SAP130: variants seen among roughly 807,000 people sequenced by gnomAD.
SAP130 encodes the protein histone deacetylase complex subunit SAP130.
A neutral mutation model predicts 103.2 loss-of-function variants in SAP130; 16 were observed. The observed-to-expected ratio is 0.16, with a 90% CI of 0.10 to 0.24. SAP130 has a LOEUF of 0.24. Ranked by LOEUF, SAP130 falls within the 10% of genes least tolerant of loss-of-function variation. The pLI, the probability that SAP130 is intolerant of heterozygous loss-of-function variation, is 1.00. For synonymous variants in SAP130, 477 were observed against 497.0 expected, an observed-to-expected ratio of 0.96 and a Z score of 0.53; for missense variants, 990 against 1,359.7, an observed-to-expected ratio of 0.73 and a Z score of 4.28.
chr2:128,011,068 C>A (rs1283800916), intron 6 of SAP130, among the ~76,000 whole-genome samples: 1 of 151,968 alleles, frequency 6.6e-6, no homozygotes, highest in Non-Finnish European at 1.5e-5. Context: ...ACCCTTCAAT[C>A]TAGAGTTGCC....
chr2:127,986,157 A>G lies in SAP130; in HGVS notation c.1958+628T>C, dbSNP rs1682372060. On this transcript the variant is annotated intron_variant, in intron 14 of 20. Coordinates refer to ENST00000643581, the MANE Select transcript of SAP130 (RefSeq NM_001330301.2). This position sits in a 1 kb window ranked among gnomAD's most constrained non-coding sequence, Gnocchi z 4.7. Reference sequence around the variant, plus strand: ...ACAGAAAGCTCTCTGTCCTTGCCATAAGGCAGGGGTCTAATTGAGCTGGTT... The same window carrying G: ...ACAGAAAGCTCTCTGTCCTTGCCATGAGGCAGGGGTCTAATTGAGCTGGTT... 6.6e-6 allele frequency among the ~76,000 whole-genome samples: 1 copy of G among 152,226 alleles called. No homozygotes were observed. The highest frequency in any genetic ancestry group is 1.5e-5 in the Non-Finnish European group (1 of 68,030).
Position 127,941,884 on chromosome 2 carries a change from C to T in SAP130, c.*122G>A. ...GATGTCATGGGTTCCTCTGCTTTCA[C>T]ACGGGAACTAAGGAACACTTCCTTT... On this transcript the variant is annotated 3_prime_UTR_variant, in exon 21 of 21. Transcript: ENST00000643581. 2 of 905,656 alleles carry T rather than the reference C, an allele frequency of 2.2e-6. No homozygotes were observed. Among genetic ancestry groups the T allele is most frequent in the Non-Finnish European group, 3.4e-6 (2 of 582,716 alleles). 56.1% of individuals were successfully genotyped at this position (905,656 alleles called of 1,614,324 possible). A position where few individuals can be genotyped will look rare whatever the true frequency, so the allele number is the denominator to read the frequency against.
intron 15 of SAP130, among the ~76,000 whole-genome samples, chr2:127,974,534 C>T: frequency 6.6e-6 from 1 of 152,140 alleles, no homozygotes; most frequent in Non-Finnish European, 1.5e-5. Flanking sequence ...TAATTTCTGG[C>T]CGGGCGCGGT....
At chr2:128,016,602 T>C in intron 3 of SAP130, 55 bp from the exon 4 acceptor site, 1 of 1,547,252 alleles carries the variant, frequency 6.5e-7, no homozygotes, top group Non-Finnish European at 8.7e-7. Flanking sequence ...GGTGATGCAT[T>C]TCAATCCACA....
chr2:128,026,799 C>T (rs1200488056), intron 1 of SAP130, among the ~76,000 whole-genome samples: 13 of 152,258 alleles, frequency 8.5e-5, no homozygotes, highest in Non-Finnish European at 1.5e-4. Flanking sequence ...CAATGCTTTT[C>T]GGCAAAGGCC....
chr2:128,007,029 C>T (rs1684029605), intron 7 of SAP130, among the ~76,000 whole-genome samples: 1 of 152,232 alleles, frequency 6.6e-6, no homozygotes, highest in South Asian at 2.1e-4. Context: ...GCTAAAAATG[C>T]ATTCAACAAA....
intron 7 of SAP130, among the ~76,000 whole-genome samples, chr2:128,009,863 T>C (rs1035817643): frequency 6.6e-6 from 1 of 152,176 alleles, no homozygotes; most frequent in Non-Finnish European, 1.5e-5. Flanking sequence ...TACTCTTCTC[T>C]CCGATAACCA....
At chr2:128,020,716 G>C (rs1468387065) in intron 2 of SAP130, among the ~76,000 whole-genome samples, 3 of 152,068 alleles carry the variant, frequency 2.0e-5, no homozygotes, top group Non-Finnish European at 4.4e-5. Flanking sequence ...AGGTGAAATG[G>C]GGCCGGGCAC....
At position 128,027,019 on chromosome 2, in the gene SAP130, C is replaced by T. The variant is rs1685550642; in HGVS notation, c.-6-721G>A. The T allele has an allele frequency of 3.1e-6, 4 of 1,304,968 alleles. No homozygotes were observed. The East Asian group carries it at 8.5e-5, about 28-fold the overall frequency. The allele number at this position is 1,304,968 out of a possible 1,614,324, so 80.8% of individuals were successfully genotyped here. A position where few individuals can be genotyped will look rare whatever the true frequency, so the allele number is the denominator to read the frequency against. On this transcript the variant is annotated intron_variant, in intron 1 of 20. Transcript: ENST00000643581. ...TCCAGACACCTCGGAGTGTGAGACC[C>T]CCGTCTCCGGGGTGGGGGTGCGGAC...
At chr2:127,980,676 G>A (rs1681801337) in intron 14 of SAP130, among the ~76,000 whole-genome samples, 1 of 152,144 alleles carries the variant, frequency 6.6e-6, no homozygotes, top group South Asian at 2.1e-4. Context: ...AAGGCCAGGT[G>A]CTCACGCATG....
At chr2:128,010,930 G>C (rs1322979419) in intron 6 of SAP130, among the ~76,000 whole-genome samples, 1 of 127,632 alleles carries the variant, frequency 7.8e-6, no homozygotes, top group East Asian at 2.4e-4. Flanking sequence ...AATCCCTTAA[G>C]ATACCACTGA....
chr2:128,000,028 AGAAG>A lies in SAP130; in HGVS notation c.1108+24_1108+27del, dbSNP rs761336642. ...CACTCTTGCCTCCTTTTTCCCCAGT[AGAAG>A]GAAGAGGAGGGTCGTGGACTTACCA... is the stretch of plus-strand genomic sequence containing the variant. On this transcript the variant is annotated intron_variant, in intron 9 of 20. Coordinates refer to ENST00000643581, the MANE Select transcript of SAP130 (RefSeq NM_001330301.2). 19 of 1,601,640 alleles carry A rather than the reference AGAAG, an allele frequency of 1.2e-5. No homozygotes were observed. In the African/African-American group the frequency reaches 2.3e-4, roughly 19 times the overall value.
In SAP130 at chr2:127,999,742, G is replaced by T; in HGVS notation, c.1212C>A (p.Val404=). ...GTCCGAAGGCAGCAGGCCACTTACC[G>T]ACTGGGATGTTTGAGGTGGTCACAG... is the stretch of plus-strand genomic sequence containing the variant. ...ATAVTTSNIP[V]AKVVPQQITH... is the part of the protein sequence containing the mutation. Residue 404 remains valine, a splice_region_variant and synonymous_variant, in exon 10 of 21, where the codon GTC becomes GTA. Transcript: ENST00000643581. 6.7e-7 allele frequency: 1 copy of T among 1,502,606 alleles called. No homozygotes were observed. The highest frequency in any genetic ancestry group is 1.4e-5 in the South Asian group (1 of 70,172). The allele number at this position is 1,502,606 out of a possible 1,614,324, so 93.1% of individuals were successfully genotyped here. A position where few individuals can be genotyped will look rare whatever the true frequency, so the allele number is the denominator to read the frequency against.
At chr2:127,970,085 G>T (rs577541273) in intron 15 of SAP130, among the ~76,000 whole-genome samples, 1 of 151,066 alleles carries the variant, frequency 6.6e-6, no homozygotes, top group South Asian at 2.1e-4. Context: ...AAAATTAGCT[G>T]GGCATGGTAG....
At chr2:127,946,807 C>A (rs1253968309) in intron 18 of SAP130, among the ~76,000 whole-genome samples, 1 of 151,082 alleles carries the variant, frequency 6.6e-6, no homozygotes, top group Non-Finnish European at 1.5e-5. Context: ...TTGCTTGAAC[C>A]CAGGAGGCGG....
chr2:127,958,808 G>A (rs2104785288), intron 15 of SAP130, among the ~76,000 whole-genome samples: 1 of 152,222 alleles, frequency 6.6e-6, no homozygotes, highest in South Asian at 2.1e-4. Flanking sequence ...AAAGGTATGT[G>A]CCACCATCCT....
chr2:128,018,313 CAA>C (rs200188563), intron 2 of SAP130, among the ~76,000 whole-genome samples: 2 of 50,580 alleles, frequency 4.0e-5, no homozygotes, highest in Non-Finnish European at 8.4e-5. Flanking sequence ...ACTAAAAATA[CAA>C]AAAAAAAAAA....
intron 16 of SAP130, among the ~76,000 whole-genome samples, chr2:127,951,642 T>G (rs958370518): frequency 1.1e-4 from 16 of 152,144 alleles, no homozygotes; most frequent in Non-Finnish European, 1.5e-5. Flanking sequence ...CATTGTCCCT[T>G]CCTTTTCTTG....
Position 127,978,043 on chromosome 2 carries a change from C to A in SAP130, c.2005G>T (p.Ala669Ser). The A allele has an allele frequency of 6.4e-7, 1 of 1,551,880 alleles. No individual in the cohort carries two copies. Among genetic ancestry groups the A allele is most frequent in the Non-Finnish European group, 8.7e-7 (1 of 1,146,998 alleles). Residue 669 changes from alanine to serine, a missense_variant, in exon 15 of 21, where the codon GCT becomes TCT. Physicochemically the swap from Ala to Ser is moderately conservative, Grantham distance 99. Around this residue, in one of 6 missense-constraint regions of SAP130, gnomAD observed 349 missense variants for 384.1 expected, o/e 0.91. Transcript: ENST00000643581. ...ATAGAGCTTTCCACTCGAGGACTAG[C>A]AACATCAGGAGGCTGAGGAGGAATG... The part of the protein sequence containing the change: ...TLIPPQPPDV[A>S]SPRVESSMRS...
Sources: gnomAD v4.1 joint callset for allele counts (sites outside exome capture counted in the v4.1 genomes callset) on GRCh38, gnomAD v4.1.1 for gene constraint, gnomAD v4.1.1 regional missense constraint, Gnocchi (gnomAD v3.1) non-coding constraint, MANE v1.5 for transcripts, NCBI Gene and HGNC (gene_info 2026-07-23, HGNC 2026-07-21) for gene names.